Variants in MAN1B1 observed in about 807,000 individuals in gnomAD.
The protein encoded by MAN1B1 is mannosidase alpha class 1B member 1.
MAN1B1 carries 66 observed loss-of-function variants against 75.5 expected under a neutral mutation model. The observed-to-expected ratio is 0.87, with a 90% confidence interval of 0.72 to 1.07. MAN1B1 has a LOEUF of 1.07. Ranked by LOEUF, MAN1B1 falls within the 50% of genes least tolerant of loss-of-function variation. MAN1B1 has a pLI of 0.00. For synonymous variants in MAN1B1, 453 were observed against 382.8 expected (o/e 1.18, Z -2.14); for missense variants, 973 against 912.5 (o/e 1.07, Z -0.85).
At chr9:137,098,455 G>A (rs9411249) in intron 5 of MAN1B1, among the ~76,000 whole-genome samples, 1 of 151,940 alleles carries the variant, frequency 6.6e-6, no homozygotes, top group Non-Finnish European at 1.5e-5. Context: ...TTGCTTGTCT[G>A]TGGGGGCTCA....
rs1158653939 is a variant in MAN1B1 at position 137,106,280 on chromosome 9, G to A, written c.1410G>A (p.Leu470=). The change falls in exon 9 of 13, where the codon CTG becomes CTA. Residue 470 remains leucine (L), a synonymous_variant. Transcript: ENST00000371589. ...ARADSYYEYL[L]KQWIQGGKQE... ...CCGACAGCTACTATGAGTACCTGCT[G>A]AAGCAGTGGATCCAGGGCGGGAAGC... 2 of 1,562,338 alleles carry A rather than the reference G, an allele frequency of 1.3e-6. No individual in the cohort carries two copies. Among genetic ancestry groups the A allele is most frequent in the South Asian group, 2.3e-5 (2 of 85,270 alleles).
chr9:137,094,306 C>A, intron 3 of MAN1B1: 1 of 365,480 alleles, frequency 2.7e-6, no homozygotes, highest in Non-Finnish European at 5.6e-6. Context: ...TGAGCCACTG[C>A]ACCTGACCCT....
At chr9:137,098,001 G>C in intron 5 of MAN1B1, 64 bp downstream of exon 5, 2 of 1,293,876 alleles carry the variant, frequency 1.5e-6, no homozygotes, top group Middle Eastern at 4.6e-4. Context: ...ATGGGTGCAG[G>C]CTTCGTCTCA....
In MAN1B1 at chr9:137,108,679, G is replaced by T. The variant is rs1303471916; in HGVS notation, c.*88G>T. 3.1e-6 allele frequency: 4 copies of T among 1,276,992 alleles called. No individual in the cohort carries two copies. Among genetic ancestry groups the T allele is most frequent in the Non-Finnish European group, 4.6e-6 (4 of 878,154 alleles). The allele number at this position is 1,276,992 out of a possible 1,614,324, so 79.1% of individuals were successfully genotyped here. Reference sequence around the variant, plus strand: ...TTTTCCAAGGGCCCACGTAGCACCGGCAACCGCCAAGTGGCCCAGGCTCTG... The same window carrying T: ...TTTTCCAAGGGCCCACGTAGCACCGTCAACCGCCAAGTGGCCCAGGCTCTG... On this transcript the variant is annotated 3_prime_UTR_variant, in exon 13 of 13. Coordinates refer to ENST00000371589, the MANE Select transcript of MAN1B1 (RefSeq NM_016219.5).
In MAN1B1 at chr9:137,107,437, TGGA is replaced by T. The variant is rs1359799356; in HGVS notation, c.1757_1759del (p.Glu586del). On this transcript the variant is annotated inframe_deletion, in exon 11 of 13. Coordinates refer to ENST00000371589, the MANE Select transcript of MAN1B1 (RefSeq NM_016219.5). The stretch of plus-strand genomic sequence containing the variant: ...TACCCCCAGCCGGGCCGTCGGGACG[TGGA>T]GGTCAAGGTGGGCCTGGGCCTGGGT... The T allele has an allele frequency of 6.2e-7, 1 of 1,613,148 alleles. No individual in the cohort carries two copies. Among genetic ancestry groups the T allele is most frequent in the Non-Finnish European group, 8.5e-7 (1 of 1,179,942 alleles).
chr9:137,092,078 T>C (rs1181196711), intron 3 of MAN1B1, among the ~76,000 whole-genome samples: 2 of 152,154 alleles, frequency 1.3e-5, no homozygotes, highest in Non-Finnish European at 2.9e-5. Flanking sequence ...TTGGTATATG[T>C]CTTTCAATTT....
chr9:137,087,276 G>A, intron 1 of MAN1B1, 58 bp downstream of exon 1: 3 of 1,532,450 alleles, frequency 2.0e-6, no homozygotes, highest in Non-Finnish European at 2.6e-6. Context: ...CGCCCTCCCA[G>A]ACTGCGGCTC....
chr9:137,108,926 C>G lies in MAN1B1; in HGVS notation c.*335C>G, dbSNP rs1035288580. ...AGGTGGTCCCTGGTACTGGGGTGAC[C>G]GAGTGGACAGCCCAGGGTGCAGCTC... On this transcript the variant is annotated 3_prime_UTR_variant, in exon 13 of 13. Coordinates refer to ENST00000371589, the MANE Select transcript of MAN1B1 (RefSeq NM_016219.5). 35 of 500,322 alleles carry G rather than the reference C, an allele frequency of 7.0e-5. 1 individual carries two copies. The Admixed American group carries it at 7.8e-4, about 11-fold the overall frequency. The allele number at this position is 500,322 out of a possible 1,614,324, so 31.0% of individuals were successfully genotyped here.
intron 10 of MAN1B1, 175 bp from the exon 11 acceptor site, chr9:137,107,075 G>A (rs1831137299): frequency 2.5e-6 from 2 of 788,844 alleles, no homozygotes; most frequent in African/African-American, 3.5e-5. Flanking sequence ...TGGGGGCCGG[G>A]TTGGAGGGCC....
Position 137,096,376 on chromosome 9 carries a change from A to G in MAN1B1, c.605A>G (p.Gln202Arg). 1 of 1,613,738 alleles carries G rather than the reference A, an allele frequency of 6.2e-7. No homozygotes were observed. Among genetic ancestry groups the G allele is most frequent in the Non-Finnish European group, 8.5e-7 (1 of 1,179,936 alleles). Residue 202 changes from glutamine to arginine, a missense_variant, in exon 4 of 13, where the codon CAG becomes CGG. Physicochemically the swap from Gln to Arg is conservative, Grantham distance 43 (BLOSUM62 1). Transcript: ENST00000371589. Reference sequence around the variant, plus strand: ...GATCCCCGCCCGGAAGGAGATCCGCAGAGGACAGTCATCAGGTACAGAGCG... The same window carrying G: ...GATCCCCGCCCGGAAGGAGATCCGCGGAGGACAGTCATCAGGTACAGAGCG... ...PVDPRPEGDP[Q>R]RTVISWRGAV... is the part of the protein sequence containing the mutation.
At chr9:137,091,777 C>T (rs893311251) in intron 3 of MAN1B1, among the ~76,000 whole-genome samples, 14 of 151,858 alleles carry the variant, frequency 9.2e-5, no homozygotes, top group Non-Finnish European at 1.8e-4. Context: ...CTGCCCGCCT[C>T]AGCCTCCCAA....
rs73668396 is a variant in MAN1B1, at chr9:137,106,842, C to T, written c.1566+33C>T. 3,866 of 1,609,676 alleles carry T rather than the reference C, an allele frequency of 2.4e-3. 82 individuals carry two copies. The African/African-American group carries it at 0.045, about 19-fold the overall frequency. On this transcript the variant is annotated intron_variant, in intron 10 of 12. Coordinates refer to ENST00000371589, the MANE Select transcript of MAN1B1 (RefSeq NM_016219.5). ...TGTCTGCGGGGCCTTCCGGCCGCCG[C>T]CCCTTTTACCTTGGCTTCCAAGGTG...
At chr9:137,098,912 G>A (rs757928100) in intron 5 of MAN1B1, among the ~76,000 whole-genome samples, 4 of 152,096 alleles carry the variant, frequency 2.6e-5, no homozygotes, top group South Asian at 2.1e-4. Context: ...TCACTGCAAC[G>A]TCTGCCTTCT....
intron 8 of MAN1B1, 40 bp downstream of exon 8, chr9:137,101,712 G>T (rs913244487): frequency 3.1e-6 from 5 of 1,591,162 alleles, no homozygotes; most frequent in Non-Finnish European, 4.3e-6. Context: ...GCCTCCCCTG[G>T]AGCTACCTTT....
chr9:137,099,919 T>G (rs1185094740), intron 6 of MAN1B1, 38 bp downstream of exon 6: 1 of 1,606,906 alleles, frequency 6.2e-7, no homozygotes, highest in Non-Finnish European at 8.5e-7. Context: ...GAGCCCTCCG[T>G]GTGGGCCTCG....
intron 3 of MAN1B1, among the ~76,000 whole-genome samples, chr9:137,095,158 G>A (rs924929863): frequency 1.3e-5 from 2 of 152,006 alleles, no homozygotes; most frequent in African/African-American, 4.8e-5. Flanking sequence ...ATTGCACTCC[G>A]GCCTGGGTGA....
chr9:137,106,110 C>T lies in MAN1B1; in HGVS notation c.1255-15C>T. The T allele has an allele frequency of 6.2e-7, 1 of 1,610,390 alleles. No individual in the cohort carries two copies. The highest frequency in any genetic ancestry group is 1.1e-5 in the South Asian group (1 of 90,832). Reference sequence around the variant, plus strand: ...GCCCTGGCCAGTAAACCCACCATCCCCCTTTCTGCCGCAGGAGGCAGTGGA... The same window carrying T: ...GCCCTGGCCAGTAAACCCACCATCCTCCTTTCTGCCGCAGGAGGCAGTGGA... On this transcript the variant is annotated splice_polypyrimidine_tract_variant and intron_variant, in intron 8 of 12. Transcript: ENST00000371589.
intron 3 of MAN1B1, among the ~76,000 whole-genome samples, chr9:137,089,665 T>C (rs1450596990): frequency 6.6e-6 from 1 of 152,052 alleles, no homozygotes; most frequent in Non-Finnish European, 1.5e-5. Context: ...GTCTGAGATG[T>C]TTACTGTGAA....
In MAN1B1 at chr9:137,108,489, G is replaced by T. The variant is rs150436630; in HGVS notation, c.1998G>T (p.Lys666Asn). 6.2e-7 allele frequency: 1 copy of T among 1,613,902 alleles called. No individual in the cohort carries two copies. The highest frequency in any genetic ancestry group is 8.5e-7 in the Non-Finnish European group (1 of 1,180,030). The change falls in exon 13 of 13, where the codon AAG (lysine) becomes AAT (asparagine). Residue 666 changes from lysine (K) to asparagine (N), a missense_variant. By Grantham distance (94) the Lys-to-Asn change is moderately conservative (BLOSUM62 0). Transcript: ENST00000371589. ...GCTTCTTCCTGGGGGAGACGCTCAA[G>T]TATCTGTTCTTGCTCTTCTCCGATG... is the stretch of plus-strand genomic sequence containing the variant. The part of the protein sequence containing the change: ...MESFFLGETL[K>N]YLFLLFSDDP...
Sources: allele counts gnomAD v4.1 joint callset (sites outside exome capture counted in the v4.1 genomes callset), GRCh38; gene constraint gnomAD v4.1.1; transcripts MANE v1.5; gene names NCBI Gene and HGNC (gene_info 2026-07-23, HGNC 2026-07-21).